Variants in MSI2 observed in about 807,000 individuals in gnomAD.
MSI2 encodes the protein RNA-binding protein Musashi homolog 2.
MSI2 carries 17 observed loss-of-function variants against 45.6 expected under a neutral mutation model. The observed-to-expected ratio is 0.37, with a 90% CI of 0.26 to 0.56. MSI2 has a LOEUF of 0.56. Among genes scored for constraint, MSI2 ranks in the 20% least tolerant of loss-of-function variants. MSI2 has a pLI of 0.77. For missense variants in MSI2, 293 were observed against 444.2 expected (o/e 0.66, Z 3.06); for synonymous variants, 156 against 158.2 (o/e 0.99, Z 0.11).
chr17:57,527,466 G>GA lies in MSI2; in HGVS notation c.406-2210_406-2209insA, dbSNP rs1381101126. Reference sequence around the variant, plus strand: ...GTGTGGCCCCAGCAGGTTACCGTCGGCGGGGGCTCTTGAAGCCTGCCCAAA... The same window carrying GA: ...GTGTGGCCCCAGCAGGTTACCGTCGGACGGGGGCTCTTGAAGCCTGCCCAAA... On this transcript the variant is annotated intron_variant, in intron 6 of 13. Transcript: ENST00000284073. Among the ~76,000 whole-genome samples the GA allele has an allele frequency of 3.4e-3, 495 of 144,606 alleles. 3 individuals carry two copies. Among genetic ancestry groups the GA allele is most frequent in the African/African-American group, 0.011 (449 of 41,298 alleles). 94.9% of individuals were successfully genotyped at this position (144,606 alleles called of 152,430 possible).
chr17:57,476,396 TA>T (rs1174912055), intron 6 of MSI2, among the ~76,000 whole-genome samples: 1 of 152,216 alleles, frequency 6.6e-6, no homozygotes, highest in Non-Finnish European at 1.5e-5. Flanking sequence ...AGCCTTCAAC[TA>T]GACAACTGTT....
chr17:57,471,065 A>C (rs2085425858), intron 6 of MSI2, among the ~76,000 whole-genome samples: 2 of 152,210 alleles, frequency 1.3e-5, no homozygotes, highest in Non-Finnish European at 2.9e-5. Context: ...CTTAGAGCAG[A>C]GGTTGGGGAC....
intron 6 of MSI2, among the ~76,000 whole-genome samples, chr17:57,406,372 G>A (rs542801245): frequency 6.6e-6 from 1 of 152,074 alleles, no homozygotes; most frequent in Non-Finnish European, 1.5e-5. Flanking sequence ...TCCCCTTCAG[G>A]CCCCTCCTTC....
chr17:57,445,551 T>C (rs202051278), intron 6 of MSI2, among the ~76,000 whole-genome samples: 1 of 149,660 alleles, frequency 6.7e-6, no homozygotes, highest in East Asian at 2.0e-4. Context: ...GACAGGGCGG[T>C]GGGGGGGGGT....
At chr17:57,631,440 G>A (rs993177217) in intron 10 of MSI2, 3 of 255,334 alleles carry the variant, frequency 1.2e-5, no homozygotes, top group Non-Finnish European at 2.2e-5. Context: ...ATGTGACATG[G>A]GGCTGCACGG....
intron 5 of MSI2, among the ~76,000 whole-genome samples, chr17:57,303,779 C>T (rs912022127): frequency 2.6e-5 from 4 of 152,162 alleles, no homozygotes; most frequent in Non-Finnish European, 5.9e-5. Flanking sequence ...TTATGGGATG[C>T]TAGACTGTAA....
At chr17:57,691,204 T>TC in the MSI2 span, among the ~76,000 whole-genome samples, 112 of 35,048 alleles carry the variant, frequency 3.2e-3, 1 homozygote, top group East Asian at 0.011. Flanking sequence ...CTCTCTCATC[T>TC]ATCTATCTAT....
intron 10 of MSI2, among the ~76,000 whole-genome samples, chr17:57,644,627 C>T (rs1910513739): frequency 1.3e-5 from 2 of 151,976 alleles, no homozygotes; most frequent in Non-Finnish European, 1.5e-5. Flanking sequence ...TGTTTGGATT[C>T]GGTGAAGCAA....
intron 10 of MSI2, among the ~76,000 whole-genome samples, chr17:57,647,341 T>G (rs1910750004): frequency 6.8e-6 from 1 of 146,740 alleles, no homozygotes; most frequent in African/African-American, 2.5e-5. Context: ...CCCAGCTACT[T>G]GGAAGGCTGT....
Position 57,300,708 on chromosome 17 carries a change from C to A in MSI2, c.312+38516C>A, listed in dbSNP as rs901317245. Reference sequence around the variant, plus strand: ...TCACAGTTCCACGTGGCTGGGGGAGCATCACAATCATGGTGGAAGGCGACA... The same window carrying A: ...TCACAGTTCCACGTGGCTGGGGGAGAATCACAATCATGGTGGAAGGCGACA... On this transcript the variant is annotated intron_variant, in intron 5 of 13. Transcript: ENST00000284073. 2.0e-5 allele frequency among the ~76,000 whole-genome samples: 3 copies of A among 152,112 alleles called. No individual in the cohort carries two copies. The East Asian group carries it at 5.8e-4, about 29-fold the overall frequency.
intron 6 of MSI2, among the ~76,000 whole-genome samples, chr17:57,431,594 A>T (rs1040450999): frequency 1.3e-5 from 2 of 152,150 alleles, no homozygotes; most frequent in African/African-American, 4.8e-5. Context: ...GATCTCTTTG[A>T]CGTGAGAAGA....
chr17:57,288,289 G>A (rs1022106718), intron 5 of MSI2, among the ~76,000 whole-genome samples: 7 of 152,208 alleles, frequency 4.6e-5, no homozygotes, highest in African/African-American at 1.7e-4. Context: ...CAGCCAGCCT[G>A]GACCCAGCTG....
At chr17:57,551,812 G>A (rs1364900193) in intron 7 of MSI2, among the ~76,000 whole-genome samples, 1 of 152,180 alleles carries the variant, frequency 6.6e-6, no homozygotes, top group Non-Finnish European at 1.5e-5. Flanking sequence ...TGGAAACAGT[G>A]GCGTCCATTG....
In MSI2 at chr17:57,526,312, G is replaced by A. The variant is rs563607978; in HGVS notation, c.406-3364G>A. Among the ~76,000 whole-genome samples the A allele has an allele frequency of 7.3e-5, 11 of 151,700 alleles. 1 individual carries two copies. The South Asian group carries it at 2.3e-3, about 32-fold the overall frequency. On this transcript the variant is annotated intron_variant, in intron 6 of 13. Coordinates refer to ENST00000284073, the MANE Select transcript of MSI2 (RefSeq NM_138962.4). ...TAGCATCTTGAATGAGGCCTGGCCT[G>A]TGTGTTCATGTTGATGAGTCTTCAT... is the stretch of plus-strand genomic sequence containing the variant.
intron 5 of MSI2, among the ~76,000 whole-genome samples, chr17:57,378,064 G>C (rs1253514098): frequency 7.0e-6 from 1 of 142,950 alleles, no homozygotes; most frequent in Non-Finnish European, 1.5e-5. Flanking sequence ...GACAGAGCGA[G>C]ACATCATCTC....
chr17:57,271,906 T>C (rs1470210533), intron 5 of MSI2, among the ~76,000 whole-genome samples: 1 of 151,850 alleles, frequency 6.6e-6, no homozygotes, highest in East Asian at 1.9e-4. Flanking sequence ...TTTTCTGCCA[T>C]CAAAGCTTTT....
chr17:57,287,636 T>C (rs1304193615), intron 5 of MSI2, among the ~76,000 whole-genome samples: 2 of 152,202 alleles, frequency 1.3e-5, no homozygotes, highest in Non-Finnish European at 2.9e-5. Context: ...GGTGCTTCTC[T>C]GCCTTTCGGC....
At chr17:57,623,011 G>A (rs1411932533) in intron 9 of MSI2, among the ~76,000 whole-genome samples, 2 of 152,202 alleles carry the variant, frequency 1.3e-5, no homozygotes, top group South Asian at 2.1e-4. Context: ...TGGCTTTTGC[G>A]AATGAGGAAC....
At chr17:57,692,372 AT>A in the MSI2 span, among the ~76,000 whole-genome samples, 1 of 152,124 alleles carries the variant, frequency 6.6e-6, no homozygotes, top group South Asian at 2.1e-4. Context: ...CTTCTCTTCT[AT>A]TTTTTAAAAA....
Sources: allele counts gnomAD v4.1 joint callset (sites outside exome capture counted in the v4.1 genomes callset), GRCh38; gene constraint gnomAD v4.1.1; transcripts MANE v1.5; gene names NCBI Gene and HGNC (gene_info 2026-07-23, HGNC 2026-07-21).